UGGT2: variants seen among roughly 807,000 people sequenced by gnomAD.
UGGT2 encodes the protein UDP-glucose glycoprotein glucosyltransferase 2, also known as UDP-glucose:glycoprotein glucosyltransferase 2.
A neutral mutation model predicts 192.1 loss-of-function variants in UGGT2; 180 were observed. The observed-to-expected ratio is 0.94, with a 90% CI of 0.83 to 1.06. UGGT2 has a LOEUF of 1.06. Among genes scored for constraint, UGGT2 ranks in the 50% least tolerant of loss-of-function variants. UGGT2 has a pLI of 0.00. For missense variants in UGGT2, 1,849 were observed against 1,795.7 expected, an observed-to-expected ratio of 1.03 and a Z score of -0.54; for synonymous variants, 580 against 591.0, an observed-to-expected ratio of 0.98 and a Z score of 0.27.
chr13:95,863,750 G>C (rs750453452), intron 30 of UGGT2, 36 bp from the exon 31 acceptor site: 32 of 1,524,858 alleles, frequency 2.1e-5, no homozygotes, highest in Non-Finnish European at 2.7e-5. Flanking sequence ...GAATTTGGCT[G>C]CTTTAAATAT....
At position 95,927,532 on chromosome 13, in the gene UGGT2, T is replaced by C. The variant is rs899715529; in HGVS notation, c.1978-196A>G. ...CATTTAATGAGCTCTGTCTCAGGTG[T>C]TGGCAATTTCACTTCACAACCAGAA... is the stretch of plus-strand genomic sequence containing the variant. On this transcript the variant is annotated intron_variant, in intron 17 of 38. Coordinates refer to ENST00000376747, the MANE Select transcript of UGGT2 (RefSeq NM_020121.4). 2.0e-5 allele frequency among the ~76,000 whole-genome samples: 3 copies of C among 151,866 alleles called. No homozygotes were observed. The South Asian group carries it at 6.3e-4, about 32-fold the overall frequency.
At chr13:95,833,329 C>A (rs1886929882) in intron 37 of UGGT2, among the ~76,000 whole-genome samples, 1 of 152,032 alleles carries the variant, frequency 6.6e-6, no homozygotes, top group African/African-American at 2.4e-5. Context: ...TTATGTAAAA[C>A]TTTTTGACAA....
chr13:96,034,330 A>C (rs1428789147), intron 1 of UGGT2, among the ~76,000 whole-genome samples: 1 of 152,232 alleles, frequency 6.6e-6, no homozygotes, highest in East Asian at 1.9e-4. Context: ...GCGCTCATCA[A>C]GACGATCTGC....
chr13:95,914,246 TAA>T (rs201574355), intron 20 of UGGT2, among the ~76,000 whole-genome samples: 2 of 134,566 alleles, frequency 1.5e-5, no homozygotes, highest in Non-Finnish European at 3.2e-5. Flanking sequence ...TAAAGTATAA[TAA>T]AAAAAAAAAA....
At chr13:95,833,737 C>T (rs1220064345) in intron 37 of UGGT2, among the ~76,000 whole-genome samples, 2 of 152,032 alleles carry the variant, frequency 1.3e-5, no homozygotes, top group Middle Eastern at 6.3e-3. Flanking sequence ...TAAAGAGAGG[C>T]ATCAAAGAAA....
chr13:95,841,842 C>T (rs1216619878), intron 36 of UGGT2, among the ~76,000 whole-genome samples: 1 of 152,128 alleles, frequency 6.6e-6, no homozygotes, highest in Admixed American at 6.5e-5. Context: ...AATCTTTGAT[C>T]CATTTTGAGT....
intron 27 of UGGT2, among the ~76,000 whole-genome samples, chr13:95,881,931 C>G (rs1242309218): frequency 1.4e-5 from 2 of 145,948 alleles, no homozygotes; most frequent in African/African-American, 5.1e-5. Flanking sequence ...TTTTTTTAGA[C>G]AGAATCTCGC....
intron 14 of UGGT2, 146 bp from the exon 15 acceptor site, chr13:95,947,318 G>A: frequency 1.2e-6 from 1 of 836,372 alleles, no homozygotes. Context: ...CACTTCAAAA[G>A]TTTGAATGTA....
At chr13:95,832,412 G>GT (rs1413167909) in intron 38 of UGGT2, among the ~76,000 whole-genome samples, 2 of 152,024 alleles carry the variant, frequency 1.3e-5, no homozygotes, top group African/African-American at 2.4e-5. Flanking sequence ...GGTAGCCACA[G>GT]TTTTTTTCAT....
chr13:95,854,417 C>A lies in UGGT2; in HGVS notation c.4067G>T (p.Gly1356Val). The A allele has an allele frequency of 1.2e-6, 2 of 1,613,524 alleles. No homozygotes were observed. The highest frequency in any genetic ancestry group is 1.1e-5 in the South Asian group (1 of 90,976). Residue 1356 changes from glycine to valine, a missense_variant, in exon 35 of 39, where the codon GGG (glycine) becomes GTG (valine). By Grantham distance (109) the Gly-to-Val change is moderately radical. Coordinates refer to ENST00000376747, the MANE Select transcript of UGGT2 (RefSeq NM_020121.4). ...GCGGCTATCACAAAATGGAGTATACCCATAAGGAGCTCCATCCAGATCGAA... is the reference window on the plus strand; with the variant it reads ...GCGGCTATCACAAAATGGAGTATACACATAAGGAGCTCCATCCAGATCGAA... ...RDFDLDGAPYGYTPFCDSRRE... is the reference protein window; with the variant it reads ...RDFDLDGAPYVYTPFCDSRRE...
intron 13 of UGGT2, among the ~76,000 whole-genome samples, chr13:95,948,359 A>C (rs1309445083): frequency 6.6e-6 from 1 of 152,104 alleles, no homozygotes; most frequent in African/African-American, 2.4e-5. Flanking sequence ...TTGGAAGCCC[A>C]GTATATTTTA....
chr13:96,012,264 C>T (rs879486199), intron 5 of UGGT2, among the ~76,000 whole-genome samples: 1 of 151,870 alleles, frequency 6.6e-6, no homozygotes, highest in South Asian at 2.1e-4. Context: ...TATATCTCTA[C>T]CCCGTAGTAT....
chr13:95,862,724 A>G (rs74459355), intron 31 of UGGT2, among the ~76,000 whole-genome samples: 3,820 of 152,282 alleles, frequency 0.025, 56 homozygotes, highest in Non-Finnish European at 0.034. Flanking sequence ...TTACTTACAA[A>G]AGTCTATCTT....
chr13:95,998,065 G>A (rs1237963340), intron 6 of UGGT2, among the ~76,000 whole-genome samples: 1 of 152,210 alleles, frequency 6.6e-6, no homozygotes, highest in Admixed American at 6.5e-5. Context: ...GTGAGATTAA[G>A]GGCACTGAAG....
In UGGT2 at chr13:95,881,148, G is replaced by A. The variant is rs1026067456; in HGVS notation, c.3229-3292C>T. Among the ~76,000 whole-genome samples the A allele has an allele frequency of 2.7e-4, 41 of 152,088 alleles. 1 individual carries two copies. Among genetic ancestry groups the A allele is most frequent in the Admixed American group, 1.4e-3 (21 of 15,274 alleles). On this transcript the variant is annotated intron_variant, in intron 27 of 38. Coordinates refer to ENST00000376747, the MANE Select transcript of UGGT2 (RefSeq NM_020121.4). ...AGAGCTGGCAATGAGCCGAGATCAC[G>A]CCACTGCACTCCAGTCTGGGCAACA...
At chr13:96,045,236 A>G (rs2053274588) in intron 1 of UGGT2, among the ~76,000 whole-genome samples, 1 of 152,206 alleles carries the variant, frequency 6.6e-6, no homozygotes, top group African/African-American at 2.4e-5. Flanking sequence ...AATAAATATT[A>G]CATGATCATC....
At position 95,947,156 on chromosome 13, in the gene UGGT2, T is replaced by C. The variant is rs1459271981; in HGVS notation, c.1558A>G (p.Ile520Val). 1 of 1,600,830 alleles carries C rather than the reference T, an allele frequency of 6.2e-7. No homozygotes were observed. The highest frequency in any genetic ancestry group is 1.1e-5 in the South Asian group (1 of 87,844). The change falls in exon 15 of 39, where the codon ATT becomes GTT. Residue 520 changes from isoleucine (I) to valine (V), a missense_variant. Transcript: ENST00000376747. ...EVPLRIGFVF[I>V]LNTDDEVDGA... ...TCAACTTCATCATCTGTATTAAGAA[T>C]GAACACAAAACCAATTCTGGAAAAA...
rs781456473 is a variant in UGGT2 at position 95,860,917 on chromosome 13, C to T, written c.3645-34G>A. 7 of 1,375,214 alleles carry T rather than the reference C, an allele frequency of 5.1e-6. No individual in the cohort carries two copies. In the East Asian group the frequency reaches 1.5e-4, roughly 29 times the overall value. The allele number at this position is 1,375,214 out of a possible 1,614,324, so 85.2% of individuals were successfully genotyped here. ...AAAAAAGTAATTGACATTTCTTAAA[C>T]ATACATATGGAAACATTGTATGCCT... On this transcript the variant is annotated intron_variant, in intron 31 of 38. Transcript: ENST00000376747.
At chr13:95,831,945 T>C (rs1886742072) in intron 38 of UGGT2, among the ~76,000 whole-genome samples, 1 of 152,024 alleles carries the variant, frequency 6.6e-6, no homozygotes, top group Non-Finnish European at 1.5e-5. Flanking sequence ...TCTTATGAAT[T>C]GAAATAGTAT....
Sources: gnomAD v4.1 joint callset for allele counts (sites outside exome capture counted in the v4.1 genomes callset) on GRCh38, gnomAD v4.1.1 for gene constraint, MANE v1.5 for transcripts, NCBI Gene and HGNC (gene_info 2026-07-23, HGNC 2026-07-21) for gene names.